Variants in TRIP12 observed in about 807,000 individuals in gnomAD.
The protein encoded by TRIP12 is E3 ubiquitin-protein ligase TRIP12.
In TRIP12, 25 loss-of-function variants were observed where a neutral mutation model predicts 244.2. The observed-to-expected ratio is 0.10, with a 90% CI of 0.07 to 0.14. The LOEUF (loss-of-function observed/expected upper bound fraction) is 0.14, where lower values mean the gene tolerates loss of function less well. Ranked by LOEUF, TRIP12 falls within the 10% of genes least tolerant of loss-of-function variation. The pLI, the probability that TRIP12 is intolerant of heterozygous loss-of-function variation, is 1.00. For synonymous variants in TRIP12, 905 were observed against 873.1 expected (o/e 1.04, Z -0.64); for missense variants, 1,677 against 2,486.4 (o/e 0.67, Z 6.92).
At chr2:229,922,506 G>A, upstream of TRIP12, 2 of 1,613,924 alleles carry the variant, frequency 1.2e-6, no homozygotes, top group Non-Finnish European at 1.7e-6. Flanking sequence ...CGGCGGTGGC[G>A]TCCCAAGATG....
At chr2:229,812,021 G>C (rs1195453651) in intron 13 of TRIP12, among the ~76,000 whole-genome samples, 2 of 152,180 alleles carry the variant, frequency 1.3e-5, no homozygotes, top group African/African-American at 4.8e-5. Flanking sequence ...ATATGGAACT[G>C]ATTATCACAT....
intron 4 of TRIP12, among the ~76,000 whole-genome samples, chr2:229,848,985 A>T (rs2058116664): frequency 6.6e-6 from 1 of 152,252 alleles, no homozygotes; most frequent in Non-Finnish European, 1.5e-5. Context: ...ATATTCCACC[A>T]AAACAAGAAA....
At chr2:229,872,592 GAAAC>G (rs1459983452) in intron 2 of TRIP12, among the ~76,000 whole-genome samples, 6 of 152,018 alleles carry the variant, frequency 3.9e-5, no homozygotes, top group African/African-American at 1.4e-4. Context: ...AGATGCCTAT[GAAAC>G]AGTTAATGAA....
At chr2:229,908,828 A>G (rs938416999) in intron 1 of TRIP12, among the ~76,000 whole-genome samples, 1 of 152,120 alleles carries the variant, frequency 6.6e-6, no homozygotes, top group African/African-American at 2.4e-5. Flanking sequence ...ATGATGGCTC[A>G]TGCCTGTAAT....
chr2:229,844,041 GT>G (rs1295704172), intron 4 of TRIP12, among the ~76,000 whole-genome samples: 11 of 152,140 alleles, frequency 7.2e-5, no homozygotes, highest in African/African-American at 2.7e-4. Flanking sequence ...CTTTCGAAAT[GT>G]GATATAATTA....
Position 229,797,754 on chromosome 2 carries a change from C to G in TRIP12, c.3560G>C (p.Gly1187Ala), listed in dbSNP as rs781113040. The change falls in exon 24 of 42, where the codon GGA becomes GCA. Residue 1187 changes from glycine (G) to alanine (A), a missense_variant. By Grantham distance (60) the Gly-to-Ala change is moderately conservative. Transcript: ENST00000675903. ...AAGGACATTCAATGCAGGGTTGCTT[C>G]CATCCATATTCTCAGAACTGAAATA... is the stretch of plus-strand genomic sequence containing the variant. ...ERYFSSENMD[G>A]SNPALNVLQR... is the part of the protein sequence containing the mutation. 1 of 1,614,048 alleles carries G rather than the reference C, an allele frequency of 6.2e-7. No homozygotes were observed. The highest frequency in any genetic ancestry group is 1.7e-5 in the Admixed American group (1 of 60,018).
intron 2 of TRIP12, among the ~76,000 whole-genome samples, chr2:229,868,186 C>A (rs775681565): frequency 6.6e-6 from 1 of 152,214 alleles, no homozygotes; most frequent in Non-Finnish European, 1.5e-5. Context: ...CCAGCCGATT[C>A]TAGAATACTT....
At chr2:229,916,876 A>T in intron 1 of TRIP12, among the ~76,000 whole-genome samples, 1 of 152,004 alleles carries the variant, frequency 6.6e-6, no homozygotes, top group East Asian at 1.9e-4. Flanking sequence ...AAAAAAAAGA[A>T]AAATCAAGGG....
At chr2:229,893,680 A>G (rs2067978308) in intron 1 of TRIP12, among the ~76,000 whole-genome samples, 1 of 152,150 alleles carries the variant, frequency 6.6e-6, no homozygotes, top group Non-Finnish European at 1.5e-5. Flanking sequence ...GAATATGAAC[A>G]TTTTGATTAC....
At chr2:229,902,809 GA>G (rs1163445753) in intron 1 of TRIP12, among the ~76,000 whole-genome samples, 1 of 152,128 alleles carries the variant, frequency 6.6e-6, no homozygotes, top group Non-Finnish European at 1.5e-5. Flanking sequence ...ATGAAACAGA[GA>G]AAAGAAAATA....
intron 1 of TRIP12, among the ~76,000 whole-genome samples, chr2:229,911,203 C>A (rs1052532609): frequency 4.6e-5 from 7 of 152,204 alleles, no homozygotes; most frequent in African/African-American, 1.4e-4. Flanking sequence ...GACAATACAG[C>A]CTTCCTTACT....
At chr2:229,808,950 G>A (rs1294023912) in intron 15 of TRIP12, among the ~76,000 whole-genome samples, 1 of 152,180 alleles carries the variant, frequency 6.6e-6, no homozygotes, top group Non-Finnish European at 1.5e-5. Flanking sequence ...TAACCACGCA[G>A]ATGTGCTGAC....
intron 1 of TRIP12, among the ~76,000 whole-genome samples, chr2:229,896,242 T>C (rs1035108351): frequency 2.0e-5 from 3 of 152,194 alleles, no homozygotes; most frequent in Non-Finnish European, 4.4e-5. Context: ...AATGGAGTTA[T>C]CATTTTAAGG....
At chr2:229,841,950 C>A (rs183342720) in intron 4 of TRIP12, among the ~76,000 whole-genome samples, 4 of 152,300 alleles carry the variant, frequency 2.6e-5, no homozygotes, top group Non-Finnish European at 2.9e-5. Context: ...CAAATTAAAA[C>A]TTCAGTTCAT....
intron 5 of TRIP12, among the ~76,000 whole-genome samples, chr2:229,839,010 CT>C (rs2055617701): frequency 1.3e-5 from 2 of 152,304 alleles, no homozygotes; most frequent in South Asian, 4.1e-4. Flanking sequence ...TCATTCCCCC[CT>C]GCATTACTAG....
At chr2:229,896,431 A>C (rs922077486) in intron 1 of TRIP12, among the ~76,000 whole-genome samples, 1 of 152,038 alleles carries the variant, frequency 6.6e-6, no homozygotes, top group Non-Finnish European at 1.5e-5. Flanking sequence ...TGAGGTCAGG[A>C]GCTCGGGACC....
intron 8 of TRIP12, among the ~76,000 whole-genome samples, chr2:229,821,957 T>A (rs2050160882): frequency 6.6e-6 from 1 of 152,134 alleles, no homozygotes; most frequent in South Asian, 2.1e-4. Flanking sequence ...CTGGCCAGCA[T>A]GGTGAAACGC....
chr2:229,860,429 C>T lies in TRIP12; in HGVS notation c.201G>A (p.Leu67=), dbSNP rs1324272721. 8.7e-6 allele frequency: 14 copies of T among 1,608,018 alleles called. No homozygotes were observed. Among genetic ancestry groups the T allele is most frequent in the Non-Finnish European group, 1.2e-5 (14 of 1,177,146 alleles). The change falls in exon 3 of 42, where the codon CTG becomes CTA. Residue 67 remains leucine (L), a synonymous_variant. Coordinates refer to ENST00000675903, the MANE Select transcript of TRIP12 (RefSeq NM_001348323.3). ...ACCTTTTAGAAAGGTGTCCCCTTGA[C>T]AGTTCAGAAGTAGTATTAGACTGCA... ...PKVQSNTTSE[L]SRGHLSKRSC...
intron 1 of TRIP12, among the ~76,000 whole-genome samples, chr2:229,905,604 C>T (rs778548880): frequency 3.9e-5 from 6 of 152,086 alleles, no homozygotes; most frequent in Non-Finnish European, 7.4e-5. Flanking sequence ...CTGAGAATAA[C>T]GAATATACTT....
Sources: allele counts gnomAD v4.1 joint callset (sites outside exome capture counted in the v4.1 genomes callset), GRCh38; gene constraint gnomAD v4.1.1; transcripts MANE v1.5; gene names NCBI Gene and HGNC (gene_info 2026-07-23, HGNC 2026-07-21).